The following CCBE1 variants were observed in gnomAD, a reference collection of about 807,000 sequenced individuals.
CCBE1 encodes collagen and calcium binding EGF domains 1.
CCBE1 carries 37 observed loss-of-function variants against 50.0 expected under a neutral mutation model. The observed-to-expected ratio is 0.74, with a 90% CI of 0.57 to 0.97. The LOEUF (loss-of-function observed/expected upper bound fraction) is 0.97, where lower values mean the gene tolerates loss of function less well. CCBE1 is among the 50% of genes least tolerant of loss of function. The pLI is 0.00. For synonymous variants in CCBE1, 234 were observed against 203.7 expected (o/e 1.15, Z -1.27); for missense variants, 538 against 523.8 (o/e 1.03, Z -0.26).
intron 2 of CCBE1, among the ~76,000 whole-genome samples, chr18:59,547,913 A>G (rs983873897): frequency 3.3e-5 from 5 of 152,236 alleles, no homozygotes; most frequent in Non-Finnish European, 5.9e-5. Context: ...CCTGACCGAA[A>G]TAAGAACACA....
At position 59,688,625 on chromosome 18, in the gene CCBE1, C is replaced by T. The variant is rs574304145; in HGVS notation, c.212+8004G>A. ...CTTGTCATGGAAAGCCATAGAAAGG[C>T]AGCAGGAAGTGAGTGCTCAATCAAC... On this transcript the variant is annotated intron_variant, in intron 2 of 10. Transcript: ENST00000439986. 2.1e-3 allele frequency among the ~76,000 whole-genome samples: 322 copies of T among 152,286 alleles called. 3 individuals carry two copies. The highest frequency in any genetic ancestry group is 7.6e-3 in the African/African-American group (317 of 41,564).
chr18:59,624,994 A>G (rs1477451741), intron 2 of CCBE1, among the ~76,000 whole-genome samples: 1 of 152,368 alleles, frequency 6.6e-6, no homozygotes, highest in East Asian at 1.9e-4. Flanking sequence ...AAATCTCTGG[A>G]GGATGGGAAC....
chr18:59,443,077 CTT>C (rs756127896), intron 7 of CCBE1, among the ~76,000 whole-genome samples: 37 of 152,134 alleles, frequency 2.4e-4, no homozygotes, highest in Admixed American at 1.0e-3. Context: ...GTCATCTGCT[CTT>C]GTGTCTGATA....
intron 2 of CCBE1, among the ~76,000 whole-genome samples, chr18:59,539,305 C>A (rs1001913364): frequency 3.9e-5 from 6 of 152,106 alleles, no homozygotes; most frequent in African/African-American, 1.4e-4. Flanking sequence ...AAGAACACTG[C>A]CACACTGAAG....
At chr18:59,555,328 T>C (rs564804622) in intron 2 of CCBE1, among the ~76,000 whole-genome samples, 1 of 152,340 alleles carries the variant, frequency 6.6e-6, no homozygotes. Flanking sequence ...TTTTAATAGA[T>C]ACATTATAGT....
chr18:59,532,646 C>T (rs922571147), intron 2 of CCBE1, among the ~76,000 whole-genome samples: 1 of 152,222 alleles, frequency 6.6e-6, no homozygotes, highest in African/African-American at 2.4e-5. Context: ...ACTCCACAGA[C>T]TGAAGAAACA....
At chr18:59,519,208 C>T (rs1385596201) in intron 2 of CCBE1, among the ~76,000 whole-genome samples, 3 of 152,216 alleles carry the variant, frequency 2.0e-5, no homozygotes, top group Admixed American at 2.0e-4. Flanking sequence ...GTTCCTGGGT[C>T]TCAGCTGTGG....
intron 2 of CCBE1, among the ~76,000 whole-genome samples, chr18:59,525,833 A>G (rs973138027): frequency 7.1e-5 from 10 of 141,592 alleles, no homozygotes; most frequent in African/African-American, 2.0e-4. Context: ...TCTGAACACC[A>G]TTAATTAAAT....
intron 5 of CCBE1, among the ~76,000 whole-genome samples, chr18:59,459,281 A>C (rs749874674): frequency 4.6e-4 from 70 of 152,360 alleles, no homozygotes; most frequent in Non-Finnish European, 6.6e-4. Flanking sequence ...TACCTTTTGT[A>C]TATGTAGACC....
At chr18:59,589,636 A>C (rs1482891159) in intron 2 of CCBE1, among the ~76,000 whole-genome samples, 1 of 151,680 alleles carries the variant, frequency 6.6e-6, no homozygotes, top group Non-Finnish European at 1.5e-5. Context: ...TCTACTAAAA[A>C]TACAAAAACA....
At chr18:59,687,998 C>T (rs1170980230) in intron 2 of CCBE1, among the ~76,000 whole-genome samples, 3 of 152,114 alleles carry the variant, frequency 2.0e-5, no homozygotes, top group African/African-American at 7.2e-5. Flanking sequence ...ATATATTCTG[C>T]ATAGGGTACC....
intron 2 of CCBE1, among the ~76,000 whole-genome samples, chr18:59,562,941 T>C (rs953546317): frequency 6.6e-6 from 1 of 152,224 alleles, no homozygotes; most frequent in Admixed American, 6.5e-5. Flanking sequence ...TGAGTGGTGG[T>C]GTTCAGGGAA....
chr18:59,475,437 G>C (rs958458309), intron 3 of CCBE1, among the ~76,000 whole-genome samples: 1 of 152,170 alleles, frequency 6.6e-6, no homozygotes, highest in African/African-American at 2.4e-5. Flanking sequence ...AGACTTATCT[G>C]TAAGTTCCTT....
chr18:59,533,896 TTATC>T (rs1371291928), intron 2 of CCBE1, among the ~76,000 whole-genome samples: 2 of 152,244 alleles, frequency 1.3e-5, no homozygotes, highest in African/African-American at 4.8e-5. Context: ...ATTTATCCGT[TTATC>T]TAAATAAGCA....
At chr18:59,467,308 C>T (rs965998641) in intron 4 of CCBE1, among the ~76,000 whole-genome samples, 1 of 152,196 alleles carries the variant, frequency 6.6e-6, no homozygotes, top group African/African-American at 2.4e-5. Context: ...GAGTGCCCTA[C>T]TGTGCTGGGG....
chr18:59,533,930 C>A (rs1378446751), intron 2 of CCBE1, among the ~76,000 whole-genome samples: 2 of 152,172 alleles, frequency 1.3e-5, no homozygotes, highest in African/African-American at 4.8e-5. Context: ...TTCATAATGG[C>A]AATCACCAAG....
At chr18:59,569,791 T>A (rs773356928) in intron 2 of CCBE1, among the ~76,000 whole-genome samples, 1 of 152,158 alleles carries the variant, frequency 6.6e-6, no homozygotes, top group Non-Finnish European at 1.5e-5. Flanking sequence ...CTCAACACCA[T>A]GCCTAGCTAA....
chr18:59,439,003 T>C (rs1300850268), intron 9 of CCBE1, among the ~76,000 whole-genome samples: 1 of 151,888 alleles, frequency 6.6e-6, no homozygotes, highest in African/African-American at 2.4e-5. Flanking sequence ...ATCCAAAAAT[T>C]AGGCCGGGTG....
chr18:59,666,713 T>C (rs1027994836), intron 2 of CCBE1, among the ~76,000 whole-genome samples: 11 of 152,232 alleles, frequency 7.2e-5, no homozygotes, highest in African/African-American at 2.2e-4. Context: ...ATGCCTGTAA[T>C]CCCAGAACGT....
Sources: gnomAD v4.1 joint callset for allele counts (sites outside exome capture counted in the v4.1 genomes callset) on GRCh38, gnomAD v4.1.1 for gene constraint, MANE v1.5 for transcripts, NCBI Gene and HGNC (gene_info 2026-07-23, HGNC 2026-07-21) for gene names.